Variants in HS6ST3 observed in about 807,000 individuals in gnomAD.
The protein encoded by HS6ST3 is heparan-sulfate 6-O-sulfotransferase 3.
In HS6ST3, 12 loss-of-function variants were observed where a neutral mutation model predicts 36.7. That is an observed-to-expected ratio of 0.33 (90% CI 0.21 to 0.53). The LOEUF is 0.53. HS6ST3 is among the 20% of genes least tolerant of loss of function. The pLI, the probability that HS6ST3 is intolerant of heterozygous loss-of-function variation, is 0.95. For missense variants in HS6ST3, 584 were observed against 640.9 expected, an observed-to-expected ratio of 0.91 and a Z score of 0.96; for synonymous variants, 240 against 257.5, an observed-to-expected ratio of 0.93 and a Z score of 0.65.
chr13:96,799,235 A>G, intron 1 of HS6ST3, among the ~76,000 whole-genome samples: 1 of 152,078 alleles, frequency 6.6e-6, no homozygotes, highest in Non-Finnish European at 1.5e-5. Flanking sequence ...CAACAGTGTA[A>G]AAGTGTTCCT....
In HS6ST3 at chr13:96,487,764, T is replaced by C. The variant is rs181530006; in HGVS notation, c.708-344726T>C. Among the ~76,000 whole-genome samples the C allele has an allele frequency of 1.6e-4, 25 of 152,298 alleles. No individual in the cohort carries two copies. The East Asian group carries it at 4.4e-3, about 27-fold the overall frequency. On this transcript the variant is annotated intron_variant, in intron 1 of 1. Coordinates refer to ENST00000376705, the MANE Select transcript of HS6ST3 (RefSeq NM_153456.4). The stretch of plus-strand genomic sequence containing the variant: ...AGACCCTGATTCACATTCAGACCAT[T>C]CATATTTGGCTTATCATCCCTTTTT...
chr13:96,576,229 G>A (rs2056320609), intron 1 of HS6ST3, among the ~76,000 whole-genome samples: 1 of 151,758 alleles, frequency 6.6e-6, no homozygotes, highest in African/African-American at 2.4e-5. Flanking sequence ...GGATGTGCAA[G>A]GGAAATGTGA....
rs545670145 is a variant in HS6ST3 at position 96,837,069 on chromosome 13, G to A, written c.*3871G>A. 2.0e-5 allele frequency: 3 copies of A among 152,222 alleles called. No homozygotes were observed. In the South Asian group the frequency reaches 6.2e-4, roughly 32 times the overall value. The allele number at this position is 152,222 out of a possible 1,614,324, so 9.4% of individuals were successfully genotyped here. A position where few individuals can be genotyped will look rare whatever the true frequency, so the allele number is the denominator to read the frequency against. The stretch of plus-strand genomic sequence containing the variant: ...CACATCTAGCTGCAAAGAAGGCTAG[G>A]GAATGTCTTTATTATTGATTGTCAT... On this transcript the variant is annotated 3_prime_UTR_variant, in exon 2 of 2. Coordinates refer to ENST00000376705, the MANE Select transcript of HS6ST3 (RefSeq NM_153456.4).
At chr13:96,806,153 G>A (rs900547498) in intron 1 of HS6ST3, among the ~76,000 whole-genome samples, 9 of 152,180 alleles carry the variant, frequency 5.9e-5, no homozygotes, top group African/African-American at 2.2e-4. Flanking sequence ...CAATGTGGTG[G>A]AAACTAACCA....
chr13:96,213,174 T>C (rs2139358348), intron 1 of HS6ST3, among the ~76,000 whole-genome samples: 1 of 152,344 alleles, frequency 6.6e-6, no homozygotes, highest in South Asian at 2.1e-4. Context: ...ATTGGGGTTT[T>C]ATAAGATGGC....
chr13:96,217,918 C>A (rs918402305), intron 1 of HS6ST3, among the ~76,000 whole-genome samples: 8 of 152,086 alleles, frequency 5.3e-5, no homozygotes, highest in Non-Finnish European at 1.2e-4. Flanking sequence ...ATTTCTTTGC[C>A]CATCTCATTT....
At chr13:96,215,453 A>G (rs767565786) in intron 1 of HS6ST3, among the ~76,000 whole-genome samples, 1 of 152,174 alleles carries the variant, frequency 6.6e-6, no homozygotes, top group Non-Finnish European at 1.5e-5. Context: ...TGCCTTTCCC[A>G]TGTGTTACCA....
chr13:96,774,940 G>A (rs1038959469), intron 1 of HS6ST3, among the ~76,000 whole-genome samples: 5 of 152,124 alleles, frequency 3.3e-5, no homozygotes, highest in Non-Finnish European at 7.4e-5. Flanking sequence ...GAGAAAGGTT[G>A]GGTTACCCAC....
intron 1 of HS6ST3, among the ~76,000 whole-genome samples, chr13:96,268,132 C>A (rs547823537): frequency 1.3e-5 from 2 of 152,096 alleles, no homozygotes; most frequent in South Asian, 4.1e-4. Context: ...ATGCCCTATA[C>A]TTAATATAGT....
intron 1 of HS6ST3, among the ~76,000 whole-genome samples, chr13:96,647,488 T>C (rs1209325794): frequency 6.6e-6 from 1 of 152,006 alleles, no homozygotes; most frequent in Non-Finnish European, 1.5e-5. Flanking sequence ...TGACAGTCTG[T>C]TTGACTGTTT....
chr13:96,654,270 T>G (rs2056617245), intron 1 of HS6ST3, among the ~76,000 whole-genome samples: 1 of 152,218 alleles, frequency 6.6e-6, no homozygotes, highest in Non-Finnish European at 1.5e-5. Flanking sequence ...GTTTTAGTCA[T>G]TAAGTCTTTG....
intron 1 of HS6ST3, among the ~76,000 whole-genome samples, chr13:96,546,924 C>A (rs2056200095): frequency 6.6e-6 from 1 of 152,274 alleles, no homozygotes; most frequent in Admixed American, 6.5e-5. Context: ...GTTGTTGTAG[C>A]TATGCACCTC....
In HS6ST3 at chr13:96,138,604, A is replaced by G. The variant is rs528382651; in HGVS notation, c.707+47035A>G. Among the ~76,000 whole-genome samples, 39 of 152,112 alleles carry G rather than the reference A, an allele frequency of 2.6e-4. 1 individual carries two copies. The South Asian group carries it at 7.7e-3, about 30-fold the overall frequency. On this transcript the variant is annotated intron_variant, in intron 1 of 1. Transcript: ENST00000376705. ...AAAAGTTTCCTTGCGTCACTTTAAA[A>G]TTTTTCTCTCCTGTCCTAGCTTTCA...
chr13:96,357,019 T>A (rs930576916), intron 1 of HS6ST3, among the ~76,000 whole-genome samples: 3 of 152,212 alleles, frequency 2.0e-5, no homozygotes, highest in African/African-American at 7.2e-5. Context: ...ATGGCCTCTT[T>A]CCTTAAACAT....
At chr13:96,535,556 T>TC (rs2056152145) in intron 1 of HS6ST3, among the ~76,000 whole-genome samples, 1 of 37,580 alleles carries the variant, frequency 2.7e-5, no homozygotes. Flanking sequence ...AGACTCTGTT[T>TC]CAAAAAAAAA....
chr13:96,781,703 C>G (rs1243130236), intron 1 of HS6ST3, among the ~76,000 whole-genome samples: 1 of 152,192 alleles, frequency 6.6e-6, no homozygotes. Flanking sequence ...TTCAAAACAA[C>G]TTATGTTGTC....
At chr13:96,348,417 C>T (rs981239018) in intron 1 of HS6ST3, among the ~76,000 whole-genome samples, 4 of 152,160 alleles carry the variant, frequency 2.6e-5, no homozygotes, top group African/African-American at 9.7e-5. Context: ...GAAGGTGCCT[C>T]AAAGTACTTC....
chr13:96,646,629 G>A (rs994345011), intron 1 of HS6ST3, among the ~76,000 whole-genome samples: 1 of 151,992 alleles, frequency 6.6e-6, no homozygotes. Flanking sequence ...GTAGGTGGGA[G>A]CTGTAAAAGC....
chr13:96,285,535 G>A (rs112513059), intron 1 of HS6ST3, among the ~76,000 whole-genome samples: 1,936 of 152,206 alleles, frequency 0.013, 35 homozygotes, highest in African/African-American at 0.043. Context: ...ATCTGCCTTA[G>A]TGAGAGAAAT....
Sources: gnomAD v4.1 joint callset for allele counts (sites outside exome capture counted in the v4.1 genomes callset) on GRCh38, gnomAD v4.1.1 for gene constraint, MANE v1.5 for transcripts, NCBI Gene and HGNC (gene_info 2026-07-23, HGNC 2026-07-21) for gene names.